TNS3: variants seen among roughly 807,000 people sequenced by gnomAD.
TNS3 encodes the protein tensin 3.
In TNS3, 45 loss-of-function variants were observed where a neutral mutation model predicts 140.9. The observed-to-expected ratio is 0.32, with a 90% CI of 0.25 to 0.41. The LOEUF (loss-of-function observed/expected upper bound fraction) is 0.41. Among genes scored for constraint, TNS3 ranks in the 10% least tolerant of loss-of-function variants. The pLI is 1.00. For missense variants in TNS3, 1,716 were observed against 1,906.7 expected, an observed-to-expected ratio of 0.90 and a Z score of 1.86; for synonymous variants, 815 against 788.4, an observed-to-expected ratio of 1.03 and a Z score of -0.56.
chr7:47,304,488 G>T (rs567917359), intron 21 of TNS3, among the ~76,000 whole-genome samples: 99 of 152,278 alleles, frequency 6.5e-4, no homozygotes, highest in African/African-American at 2.3e-3. Flanking sequence ...GTCCTCAGGG[G>T]TAGTATCTTT....
At chr7:47,291,249 G>A (rs1785681614) in intron 27 of TNS3, among the ~76,000 whole-genome samples, 1 of 152,124 alleles carries the variant, frequency 6.6e-6, no homozygotes. Context: ...ATACTGTAAC[G>A]GTGATTACCT....
At chr7:47,365,138 TAAAATC>T (rs975148859) in intron 17 of TNS3, among the ~76,000 whole-genome samples, 27 of 152,294 alleles carry the variant, frequency 1.8e-4, no homozygotes, top group African/African-American at 6.3e-4. Flanking sequence ...AAAGAGTATC[TAAAATC>T]AAAATCAAAA....
At chr7:47,580,952 G>A (rs1043870106) in intron 1 of TNS3, among the ~76,000 whole-genome samples, 1 of 152,132 alleles carries the variant, frequency 6.6e-6, no homozygotes, top group Non-Finnish European at 1.5e-5. Flanking sequence ...CAACCCGGAA[G>A]ATCAAAGTGT....
intron 1 of TNS3, among the ~76,000 whole-genome samples, chr7:47,566,943 G>C (rs1275744312): frequency 2.1e-5 from 3 of 143,922 alleles, no homozygotes; most frequent in African/African-American, 7.8e-5. Flanking sequence ...TGAGGCAGGA[G>C]AATCACCTGA....
At chr7:47,346,024 G>A (rs1259969356) in intron 18 of TNS3, among the ~76,000 whole-genome samples, 163 bp downstream of exon 18, 2 of 152,222 alleles carry the variant, frequency 1.3e-5, no homozygotes, top group East Asian at 1.9e-4. Flanking sequence ...AGGTACAGAG[G>A]AGCCACGACC....
chr7:47,343,270 AG>A (rs1789123380), intron 20 of TNS3, among the ~76,000 whole-genome samples: 1 of 152,210 alleles, frequency 6.6e-6, no homozygotes, highest in Admixed American at 6.5e-5. Flanking sequence ...CCCCACGCTG[AG>A]CACCCAGGCT....
At chr7:47,391,924 C>T (rs75385799) in intron 16 of TNS3, among the ~76,000 whole-genome samples, 4,684 of 152,222 alleles carry the variant, frequency 0.031, 263 homozygotes, top group African/African-American at 0.1. Flanking sequence ...CGCACGGTCT[C>T]GAGCACAAGA....
At chr7:47,573,736 T>C (rs552843136) in intron 1 of TNS3, among the ~76,000 whole-genome samples, 1 of 152,260 alleles carries the variant, frequency 6.6e-6, no homozygotes, top group South Asian at 2.1e-4. Context: ...GGACCTCAAG[T>C]AATCCAGAGG....
chr7:47,361,788 T>C (rs1190155922), intron 17 of TNS3, among the ~76,000 whole-genome samples: 2 of 152,196 alleles, frequency 1.3e-5, no homozygotes, highest in Non-Finnish European at 2.9e-5. Flanking sequence ...ATTAAATGCC[T>C]GGTGGGAATG....
chr7:47,377,665 G>A (rs1190906990), intron 16 of TNS3, among the ~76,000 whole-genome samples: 4 of 138,744 alleles, frequency 2.9e-5, no homozygotes, highest in Non-Finnish European at 6.5e-5. Flanking sequence ...AACCTGAGGT[G>A]GCTCCTCTTG....
Position 47,408,564 on chromosome 7 carries a change from C to T in TNS3, c.723+3163G>A, listed in dbSNP as rs543880493. ...ATAGAGGAAAGTGACCTGGTGATGCCGCAGGGTCACATCGATGCAGTTTCA... is the reference window on the plus strand; with the variant it reads ...ATAGAGGAAAGTGACCTGGTGATGCTGCAGGGTCACATCGATGCAGTTTCA... On this transcript the variant is annotated intron_variant, in intron 13 of 30. Transcript: ENST00000311160. 3.9e-5 allele frequency among the ~76,000 whole-genome samples: 6 copies of T among 152,172 alleles called. No individual in the cohort carries two copies. The South Asian group carries it at 1.0e-3, about 26-fold the overall frequency.
At position 47,303,577 on chromosome 7, in the gene TNS3, A is replaced by G; in HGVS notation, c.2830T>C (p.Ser944Pro). 6.3e-7 allele frequency: 1 copy of G among 1,591,928 alleles called. No homozygotes were observed. Among genetic ancestry groups the G allele is most frequent in the Non-Finnish European group, 8.5e-7 (1 of 1,174,554 alleles). ...CTCTCCACCCACTGGCGTTCTGCAGAAGAGGAGCTGTTCAAAAGACAAGCC... is the reference window on the plus strand; with the variant it reads ...CTCTCCACCCACTGGCGTTCTGCAGGAGAGGAGCTGTTCAAAAGACAAGCC... ...GPGQRRESSSSAERQWVESSP... is the reference protein window; with the variant it reads ...GPGQRRESSSPAERQWVESSP... The change falls in exon 22 of 31, where the codon TCT becomes CCT. Residue 944 changes from serine to proline, a missense_variant. Transcript: ENST00000311160.
At chr7:47,386,519 G>T (rs1386211737) in intron 16 of TNS3, among the ~76,000 whole-genome samples, 1 of 152,196 alleles carries the variant, frequency 6.6e-6, no homozygotes, top group African/African-American at 2.4e-5. Context: ...TAACACTCCT[G>T]GCTCACATAG....
intron 16 of TNS3, among the ~76,000 whole-genome samples, chr7:47,378,606 G>A (rs1791557813): frequency 6.6e-6 from 1 of 152,102 alleles, no homozygotes; most frequent in South Asian, 2.1e-4. Context: ...AAGCTAACTG[G>A]GCAACCACTG....
chr7:47,576,973 A>G (rs538498587), intron 1 of TNS3, among the ~76,000 whole-genome samples: 1 of 152,342 alleles, frequency 6.6e-6, no homozygotes, highest in African/African-American at 2.4e-5. Flanking sequence ...AGTGTATTCC[A>G]GTGTATTCAA....
chr7:47,561,219 G>A (rs1225147421), intron 1 of TNS3, among the ~76,000 whole-genome samples: 2 of 152,128 alleles, frequency 1.3e-5, no homozygotes, highest in Admixed American at 6.5e-5. Flanking sequence ...TCTCAGAGTT[G>A]GACACATGGA....
intron 20 of TNS3, among the ~76,000 whole-genome samples, chr7:47,315,118 G>A (rs1787320464): frequency 6.6e-6 from 1 of 152,246 alleles, no homozygotes. Context: ...GCCGATCTTG[G>A]GCCCTGAACA....
intron 1 of TNS3, among the ~76,000 whole-genome samples, chr7:47,574,616 T>G (rs1263068507): frequency 1.6e-5 from 2 of 123,700 alleles, no homozygotes; most frequent in Admixed American, 1.8e-4. Context: ...CAAAATGTGC[T>G]ATTCATACAG....
rs73326546 is a variant in TNS3 at position 47,377,273 on chromosome 7, G to A, written c.1025-7652C>T. ...AAAATGCTGAAGACAGAGAGGCTTCGGTTTCAAAAACGAGTGCTCATCTGC... is the reference window on the plus strand; with the variant it reads ...AAAATGCTGAAGACAGAGAGGCTTCAGTTTCAAAAACGAGTGCTCATCTGC... On this transcript the variant is annotated intron_variant, in intron 16 of 30. Transcript: ENST00000311160. 4.6e-3 allele frequency among the ~76,000 whole-genome samples: 695 copies of A among 152,330 alleles called. 4 individuals carry two copies. The highest frequency in any genetic ancestry group is 0.016 in the African/African-American group (667 of 41,584).
Sources: allele counts gnomAD v4.1 joint callset (sites outside exome capture counted in the v4.1 genomes callset), GRCh38; gene constraint gnomAD v4.1.1; transcripts MANE v1.5; gene names NCBI Gene and HGNC (gene_info 2026-07-23, HGNC 2026-07-21).